Variants in MCTP1 observed in about 807,000 individuals in gnomAD.
The protein encoded by MCTP1 is multiple C2 and transmembrane domain-containing protein 1.
MCTP1 carries 69 observed loss-of-function variants against 120.6 expected under a neutral mutation model. That is an observed-to-expected ratio of 0.57 (90% CI 0.47 to 0.70). The LOEUF (loss-of-function observed/expected upper bound fraction) is 0.70, where lower values mean the gene tolerates loss of function less well. Ranked by LOEUF, MCTP1 falls within the 30% of genes least tolerant of loss-of-function variation. The pLI is 0.00. For missense variants in MCTP1, 1,203 were observed against 1,248.8 expected (o/e 0.96, Z 0.55); for synonymous variants, 529 against 493.1 (o/e 1.07, Z -0.96).
intron 17 of MCTP1, among the ~76,000 whole-genome samples, chr5:94,864,687 A>G (rs1796477229): frequency 6.6e-6 from 1 of 152,044 alleles, no homozygotes; most frequent in African/African-American, 2.4e-5. Flanking sequence ...TTCCAAATGG[A>G]CAGATGGTAC....
At chr5:94,927,044 T>C (rs1333917042) in intron 6 of MCTP1, among the ~76,000 whole-genome samples, 1 of 152,222 alleles carries the variant, frequency 6.6e-6, no homozygotes, top group Non-Finnish European at 1.5e-5. Flanking sequence ...AGCAAATCCC[T>C]GTAGCTATGA....
intron 1 of MCTP1, among the ~76,000 whole-genome samples, chr5:95,212,727 G>A (rs2152569995): frequency 6.6e-6 from 1 of 152,032 alleles, no homozygotes; most frequent in South Asian, 2.1e-4. Flanking sequence ...ATCAATAAAT[G>A]TAATCCAGCA....
intron 1 of MCTP1, among the ~76,000 whole-genome samples, chr5:95,094,173 T>G (rs1431065417): frequency 6.6e-6 from 1 of 152,246 alleles, no homozygotes; most frequent in Non-Finnish European, 1.5e-5. Flanking sequence ...TAATACGTTA[T>G]GCAGCAATAG....
At chr5:94,847,702 A>G (rs36722) in intron 17 of MCTP1, among the ~76,000 whole-genome samples, 7 of 148,710 alleles carry the variant, frequency 4.7e-5, no homozygotes, top group Admixed American at 2.0e-4. Flanking sequence ...ATATATATAT[A>G]TATGTATGTT....
At chr5:95,235,512 T>C (rs1161014040) in intron 1 of MCTP1, among the ~76,000 whole-genome samples, 1 of 151,810 alleles carries the variant, frequency 6.6e-6, no homozygotes, top group African/African-American at 2.4e-5. Context: ...AAGGAAGAAG[T>C]AGAAACACTT....
At chr5:94,891,059 C>T (rs1246336317) in intron 11 of MCTP1, among the ~76,000 whole-genome samples, 2 of 152,112 alleles carry the variant, frequency 1.3e-5, no homozygotes, top group Non-Finnish European at 2.9e-5. Flanking sequence ...TTATCAGTCC[C>T]GTATGACCAG....
At chr5:95,241,435 A>G (rs1756154329) in intron 1 of MCTP1, among the ~76,000 whole-genome samples, 1 of 152,148 alleles carries the variant, frequency 6.6e-6, no homozygotes, top group Non-Finnish European at 1.5e-5. Flanking sequence ...TTTCCTTTAA[A>G]CCATAGCAGC....
At chr5:95,180,969 T>C (rs909152751) in intron 1 of MCTP1, among the ~76,000 whole-genome samples, 8 of 152,318 alleles carry the variant, frequency 5.3e-5, no homozygotes, top group African/African-American at 1.7e-4. Flanking sequence ...GGATATACCC[T>C]GAAGCTGACC....
intron 19 of MCTP1, among the ~76,000 whole-genome samples, chr5:94,778,839 C>T (rs1340864378): frequency 3.3e-5 from 5 of 152,206 alleles, no homozygotes; most frequent in Non-Finnish European, 7.3e-5. Context: ...CTGTTATCTT[C>T]ACGAGAGCTA....
intron 10 of MCTP1, among the ~76,000 whole-genome samples, chr5:94,908,862 T>A (rs1807670562): frequency 1.3e-5 from 2 of 152,050 alleles, no homozygotes; most frequent in South Asian, 4.1e-4. Flanking sequence ...TTGTAGGGCG[T>A]TGTAGAAAAT....
chr5:95,064,619 G>T (rs1422874148), intron 1 of MCTP1, among the ~76,000 whole-genome samples: 1 of 152,186 alleles, frequency 6.6e-6, no homozygotes, highest in African/African-American at 2.4e-5. Flanking sequence ...AGTCCATGAG[G>T]ATATTTGAGG....
intron 3 of MCTP1, among the ~76,000 whole-genome samples, chr5:94,946,998 G>A (rs905745168): frequency 2.0e-5 from 3 of 152,140 alleles, no homozygotes; most frequent in Non-Finnish European, 2.9e-5. Flanking sequence ...AGATGGAACA[G>A]CCTCGTTTAT....
At chr5:95,059,416 G>C (rs1464469806) in intron 1 of MCTP1, among the ~76,000 whole-genome samples, 1 of 152,062 alleles carries the variant, frequency 6.6e-6, no homozygotes, top group East Asian at 1.9e-4. Context: ...TACTAGAGTG[G>C]GGAGAGAGGA....
chr5:94,784,276 T>C (rs1408659952), intron 18 of MCTP1, among the ~76,000 whole-genome samples: 4 of 152,052 alleles, frequency 2.6e-5, no homozygotes, highest in Non-Finnish European at 4.4e-5. Flanking sequence ...ATCACTGTGT[T>C]TGTGCATAAA....
chr5:94,831,176 A>C (rs544484971), intron 17 of MCTP1, among the ~76,000 whole-genome samples: 1 of 152,332 alleles, frequency 6.6e-6, no homozygotes, highest in South Asian at 2.1e-4. Flanking sequence ...AATAGATTGG[A>C]GACTGAGAGT....
At chr5:94,785,530 T>C (rs1274880457) in intron 18 of MCTP1, among the ~76,000 whole-genome samples, 1 of 152,092 alleles carries the variant, frequency 6.6e-6, no homozygotes, top group African/African-American at 2.4e-5. Flanking sequence ...TTTAATGTGC[T>C]TTGCAAGTAA....
chr5:95,030,033 T>G (rs2153690493), intron 1 of MCTP1, among the ~76,000 whole-genome samples: 1 of 152,286 alleles, frequency 6.6e-6, no homozygotes, highest in African/African-American at 2.4e-5. Context: ...TTGCCTGATC[T>G]GGCCGGGGAA....
intron 1 of MCTP1, among the ~76,000 whole-genome samples, chr5:95,227,414 A>G (rs1754405172): frequency 6.6e-6 from 1 of 152,228 alleles, no homozygotes; most frequent in Non-Finnish European, 1.5e-5. Context: ...AATAGAATCA[A>G]TCATCACCCA....
At chr5:95,088,011 T>G (rs928237233) in intron 1 of MCTP1, among the ~76,000 whole-genome samples, 2 of 152,166 alleles carry the variant, frequency 1.3e-5, no homozygotes, top group African/African-American at 4.8e-5. Flanking sequence ...ATGCGCTGGG[T>G]GGGAAGATGA....
Sources: allele counts gnomAD v4.1 joint callset (sites outside exome capture counted in the v4.1 genomes callset), GRCh38; gene constraint gnomAD v4.1.1; transcripts MANE v1.5; gene names NCBI Gene and HGNC (gene_info 2026-07-23, HGNC 2026-07-21).